Variants in AGR2 observed in about 807,000 individuals in gnomAD.
AGR2 encodes the protein anterior gradient 2, protein disulphide isomerase family member.
Under a neutral mutation model 25.9 loss-of-function variants are expected in AGR2, and 27 were observed. The ratio of observed to expected loss-of-function variants is 1.04; its 90% CI spans 0.77 to 1.44. The LOEUF (loss-of-function observed/expected upper bound fraction) is 1.44, where lower values mean the gene tolerates loss of function less well. Among genes scored for constraint, AGR2 ranks in the 40% most tolerant of loss-of-function variants. AGR2 has a pLI of 0.00. For synonymous variants in AGR2, 78 were observed against 72.0 expected, an observed-to-expected ratio of 1.08 and a Z score of -0.42; for missense variants, 182 against 200.9, an observed-to-expected ratio of 0.91 and a Z score of 0.57.
chr7:16,795,058 T>G (rs1184660086), intron 6 of AGR2, 39 bp from the exon 7 acceptor site: 1 of 1,608,874 alleles, frequency 6.2e-7, no homozygotes, highest in African/African-American at 1.3e-5. Context: ...TGGAATGGTT[T>G]GTTTTCAAAC....
intron 6 of AGR2, among the ~76,000 whole-genome samples, chr7:16,795,764 C>G (rs963157392): frequency 3.3e-5 from 5 of 152,228 alleles, no homozygotes; most frequent in Admixed American, 3.3e-4. Context: ...TCGAAAGAAC[C>G]TAGGACACGT....
intron 4 of AGR2, 56 bp downstream of exon 4, chr7:16,801,095 C>G: frequency 2.1e-6 from 3 of 1,438,206 alleles, no homozygotes; most frequent in Non-Finnish European, 1.9e-6. Context: ...TGATCTGAAC[C>G]CTGGCCCTAA....
chr7:16,798,039 C>T (rs542634008), intron 5 of AGR2, among the ~76,000 whole-genome samples: 59 of 152,206 alleles, frequency 3.9e-4, no homozygotes, highest in African/African-American at 1.4e-3. Flanking sequence ...GAGACAAGTA[C>T]GGGATTTTCT....
chr7:16,801,684 G>A lies in AGR2; in HGVS notation c.113C>T (p.Pro38Leu). The A allele has an allele frequency of 6.2e-7, 1 of 1,613,716 alleles. No homozygotes were observed. Among genetic ancestry groups the A allele is most frequent in the South Asian group, 1.1e-5 (1 of 91,038 alleles). Residue 38 changes from proline to leucine, a missense_variant, in exon 2 of 8, where the codon CCC becomes CTC. Pro to Leu is a moderately conservative substitution (Grantham distance 98, BLOSUM62 -3). Coordinates refer to ENST00000419304, the MANE Select transcript of AGR2 (RefSeq NM_006408.4). ...GAKKDTKDSR[P>L]KLPQTLSRGW... ...TCTGGAGAGGGTCTGGGGCAGTTTG[G>A]GTCGAGAGTCCTTTGTGTCCTTTTT...
chr7:16,801,607 A>G (rs758206300), intron 2 of AGR2, 51 bp downstream of exon 2: 2 of 1,611,092 alleles, frequency 1.2e-6, no homozygotes, highest in South Asian at 1.1e-5. Flanking sequence ...GAGAGAGGAA[A>G]TCTTTTCCAA....
rs558209638 is a variant in AGR2 at position 16,798,992 on chromosome 7, A to G, written c.330+752T>C. 2.0e-5 allele frequency among the ~76,000 whole-genome samples: 3 copies of G among 152,350 alleles called. No individual in the cohort carries two copies. In the South Asian group the frequency reaches 6.2e-4, roughly 32 times the overall value. On this transcript the variant is annotated intron_variant, in intron 5 of 7. Transcript: ENST00000419304. Reference sequence around the variant, plus strand: ...ATGTAGGAATTATTAGTGTGTCGGAATTGATTAAAGGCAGTTGTAGATGGA... The same window carrying G: ...ATGTAGGAATTATTAGTGTGTCGGAGTTGATTAAAGGCAGTTGTAGATGGA...
chr7:16,794,834 G>A, intron 7 of AGR2, 102 bp downstream of exon 7: 1 of 1,582,370 alleles, frequency 6.3e-7, no homozygotes, highest in Non-Finnish European at 8.6e-7. Context: ...GCGTCCCTAA[G>A]CCTAGCTCTC....
intron 6 of AGR2, among the ~76,000 whole-genome samples, chr7:16,796,254 G>A (rs1785044153): frequency 6.6e-6 from 1 of 152,196 alleles, no homozygotes; most frequent in Non-Finnish European, 1.5e-5. Flanking sequence ...GGAATTGAAT[G>A]TGGGTTAAAA....
In AGR2 at chr7:16,797,703, A is replaced by T. The variant is rs773197162; in HGVS notation, c.331-9T>A. On this transcript the variant is annotated splice_polypyrimidine_tract_variant and intron_variant, in intron 5 of 7. Coordinates refer to ENST00000419304, the MANE Select transcript of AGR2 (RefSeq NM_006408.4). ...TTGTCAGTTGTTTCATACTAAAATA[A>T]AAAGAAAAGCATCTTTTAGTTTACT... is the stretch of plus-strand genomic sequence containing the variant. 5.1e-5 allele frequency: 82 copies of T among 1,611,582 alleles called. No homozygotes were observed. The highest frequency in any genetic ancestry group is 6.6e-5 in the Non-Finnish European group (78 of 1,178,434).
At chr7:16,799,999 C>G (rs1785114441) in intron 4 of AGR2, among the ~76,000 whole-genome samples, 182 bp from the exon 5 acceptor site, 1 of 152,176 alleles carries the variant, frequency 6.6e-6, no homozygotes. Flanking sequence ...CCTCTGCTTT[C>G]TATTCACTCA....
Position 16,797,658 on chromosome 7 carries a change from G to C in AGR2, c.367C>G (p.Gln123Glu). 6.2e-7 allele frequency: 1 copy of C among 1,613,862 alleles called. No individual in the cohort carries two copies. The highest frequency in any genetic ancestry group is 8.5e-7 in the Non-Finnish European group (1 of 1,179,914). The change falls in exon 6 of 8, where the codon CAG becomes GAG. Residue 123 changes from glutamine (Q) to glutamate (E), a missense_variant. Transcript: ENST00000419304. ...TTDKHLSPDG[Q>E]YVPRIMFVDP... Reference sequence around the variant, plus strand: ...ACAAACATAATCCTGGGGACATACTGGCCATCAGGAGAAAGGTGTTTGTCA... The same window carrying C: ...ACAAACATAATCCTGGGGACATACTCGCCATCAGGAGAAAGGTGTTTGTCA...
At position 16,797,479 on chromosome 7, in the gene AGR2, T is replaced by G. The variant is rs769929113; in HGVS notation, c.394+152A>C. ...AAGCTCACATTTTCTAAAGAAAATA[T>G]GTTGCGGAACTTAAAGGAATGTCAT... On this transcript the variant is annotated intron_variant, in intron 6 of 7. Coordinates refer to ENST00000419304, the MANE Select transcript of AGR2 (RefSeq NM_006408.4). The G allele has an allele frequency of 5.3e-6, 3 of 563,718 alleles. No homozygotes were observed. In the African/African-American group the frequency reaches 5.6e-5, roughly 11 times the overall value. The allele number at this position is 563,718 out of a possible 1,614,324, so 34.9% of individuals were successfully genotyped here. A position where few individuals can be genotyped will look rare whatever the true frequency, so the allele number is the denominator to read the frequency against.
chr7:16,801,707 T>C lies in AGR2; in HGVS notation c.90A>G (p.Lys30=). The C allele has an allele frequency of 6.2e-7, 1 of 1,613,742 alleles. No homozygotes were observed. Among genetic ancestry groups the C allele is most frequent in the Non-Finnish European group, 8.5e-7 (1 of 1,179,964 alleles). The change falls in exon 2 of 8, where the codon AAA becomes AAG. Residue 30 remains lysine (K), a synonymous_variant. Coordinates refer to ENST00000419304, the MANE Select transcript of AGR2 (RefSeq NM_006408.4). ...TGGGTCGAGAGTCCTTTGTGTCCTT[T>C]TTGGCTCCAGGTTTGACTGTGGTAT... ...ARDTTVKPGA[K]KDTKDSRPKL... is the part of the protein sequence containing the mutation.
At chr7:16,795,353 C>G (rs1419655364) in intron 6 of AGR2, among the ~76,000 whole-genome samples, 1 of 148,014 alleles carries the variant, frequency 6.8e-6, no homozygotes, top group Non-Finnish European at 1.5e-5. Flanking sequence ...TTAACATTCT[C>G]TACTGCAAAA....
At chr7:16,802,388 T>C (rs1240262952) in intron 1 of AGR2, among the ~76,000 whole-genome samples, 1 of 152,180 alleles carries the variant, frequency 6.6e-6, no homozygotes, top group Non-Finnish European at 1.5e-5. Context: ...GGAACTACCG[T>C]AATACACCTA....
chr7:16,800,708 C>T (rs761641979), intron 4 of AGR2, among the ~76,000 whole-genome samples: 7 of 152,034 alleles, frequency 4.6e-5, no homozygotes, highest in Non-Finnish European at 8.8e-5. Context: ...GGATTTGGGC[C>T]CAGTGCAAAA....
In AGR2 at chr7:16,801,370, T is replaced by C; in HGVS notation, c.153A>G (p.Gln51=). 1 of 1,613,568 alleles carries C rather than the reference T, an allele frequency of 6.2e-7. No individual in the cohort carries two copies. The highest frequency in any genetic ancestry group is 1.3e-5 in the African/African-American group (1 of 75,024). ...PQTLSRGWGD[Q]LIWTQTYEEA... The stretch of plus-strand genomic sequence containing the variant: ...CTTCATATGTCTGAGTCCAGATGAG[T>C]TGGTCACCCCAACCTAGAATGAAAT... Residue 51 remains glutamine, a synonymous_variant, in exon 3 of 8, where the codon CAA becomes CAG. Transcript: ENST00000419304.
chr7:16,797,716 C>A, intron 5 of AGR2, 22 bp from the exon 6 acceptor site: 3 of 1,605,726 alleles, frequency 1.9e-6, no homozygotes, highest in Non-Finnish European at 2.6e-6. Flanking sequence ...AGAAAAGCAT[C>A]TTTTAGTTTA....
At chr7:16,801,424 T>C in intron 2 of AGR2, 41 bp from the exon 3 acceptor site, 1 of 1,582,276 alleles carries the variant, frequency 6.3e-7, no homozygotes, top group South Asian at 1.1e-5. Flanking sequence ...CTTGTATAAA[T>C]TCAGACCCAA....
Sources: allele counts gnomAD v4.1 joint callset (sites outside exome capture counted in the v4.1 genomes callset), GRCh38; gene constraint gnomAD v4.1.1; transcripts MANE v1.5; gene names NCBI Gene and HGNC (gene_info 2026-07-23, HGNC 2026-07-21).